Variants in ATRNL1 observed in about 807,000 individuals in gnomAD.
ATRNL1 encodes attractin like 1.
ATRNL1 carries 95 observed loss-of-function variants against 182.7 expected under a neutral mutation model. That is an observed-to-expected ratio of 0.52 (90% CI 0.44 to 0.62). The LOEUF (loss-of-function observed/expected upper bound fraction) is 0.62. Ranked by LOEUF, ATRNL1 falls within the 20% of genes least tolerant of loss-of-function variation. The pLI, the probability that ATRNL1 is intolerant of heterozygous loss-of-function variation, is 0.00. For missense variants in ATRNL1, 1,471 were observed against 1,679.5 expected (o/e 0.88, Z 2.17); for synonymous variants, 576 against 568.3 (o/e 1.01, Z -0.19).
intron 28 of ATRNL1, among the ~76,000 whole-genome samples, chr10:115,858,154 C>T (rs2134384208): frequency 6.6e-6 from 1 of 152,288 alleles, no homozygotes; most frequent in African/African-American, 2.4e-5. Flanking sequence ...AGATTTAGAA[C>T]TGGAAATACC....
rs56720506 is a variant in ATRNL1 at position 115,275,463 on chromosome 10, G to A, written c.2101-5892G>A. 7.2e-3 allele frequency among the ~76,000 whole-genome samples: 1,092 copies of A among 152,238 alleles called. 15 individuals carry two copies. The highest frequency in any genetic ancestry group is 0.025 in the African/African-American group (1,045 of 41,530). The stretch of plus-strand genomic sequence containing the variant: ...ATTTTACTCCTAGGAGCAACTTCAT[G>A]CTCAACTCACCAATGCCATAGATGT... On this transcript the variant is annotated intron_variant, in intron 13 of 28. Coordinates refer to ENST00000355044, the MANE Select transcript of ATRNL1 (RefSeq NM_207303.4).
intron 28 of ATRNL1, among the ~76,000 whole-genome samples, chr10:115,908,983 C>G (rs925100699): frequency 2.6e-5 from 4 of 152,140 alleles, no homozygotes; most frequent in African/African-American, 9.7e-5. Flanking sequence ...TGCCTGCACA[C>G]CCCCATCATT....
intron 27 of ATRNL1, among the ~76,000 whole-genome samples, chr10:115,765,190 G>A (rs1354404191): frequency 6.6e-6 from 1 of 152,130 alleles, no homozygotes. Context: ...GTAGGTATCA[G>A]GGAGCACAAT....
At chr10:115,542,502 A>T (rs1034753241) in intron 25 of ATRNL1, among the ~76,000 whole-genome samples, 1 of 152,102 alleles carries the variant, frequency 6.6e-6, no homozygotes, top group Non-Finnish European at 1.5e-5. Context: ...GGCATGTATA[A>T]TAGTGTATTA....
At chr10:115,791,958 C>A (rs1182908261) in intron 27 of ATRNL1, among the ~76,000 whole-genome samples, 4 of 152,122 alleles carry the variant, frequency 2.6e-5, no homozygotes, top group African/African-American at 9.6e-5. Flanking sequence ...AAACCTCATG[C>A]TTATCTGGAC....
chr10:115,909,646 G>C (rs917706587), intron 28 of ATRNL1: 4 of 115,528 alleles, frequency 3.5e-5, no homozygotes, highest in Admixed American at 8.6e-5. Context: ...AAAAAAAAAA[G>C]ACGAAGTGAG....
At chr10:115,538,457 AT>A (rs1371748688) in intron 25 of ATRNL1, among the ~76,000 whole-genome samples, 33 of 125,004 alleles carry the variant, frequency 2.6e-4, no homozygotes, top group African/African-American at 9.1e-4. Flanking sequence ...ATGACGTTGA[AT>A]ATCTTTTCAT....
intron 27 of ATRNL1, among the ~76,000 whole-genome samples, chr10:115,752,363 T>G (rs2134123445): frequency 6.6e-6 from 1 of 152,150 alleles, no homozygotes; most frequent in African/African-American, 2.4e-5. Context: ...TAGTTATATA[T>G]TCAACAAATA....
At chr10:115,714,523 C>G (rs1269725059) in intron 26 of ATRNL1, among the ~76,000 whole-genome samples, 1 of 152,086 alleles carries the variant, frequency 6.6e-6, no homozygotes, top group Admixed American at 6.5e-5. Flanking sequence ...GCCAGGCGGC[C>G]CATTTTACTT....
intron 26 of ATRNL1, among the ~76,000 whole-genome samples, chr10:115,657,646 C>A (rs57581235): frequency 8.2e-4 from 125 of 152,252 alleles, no homozygotes; most frequent in African/African-American, 2.9e-3. Context: ...ATTGCAGGAT[C>A]TTTAGAATTC....
At chr10:115,713,475 G>GTA (rs879998559) in intron 26 of ATRNL1, among the ~76,000 whole-genome samples, 4,059 of 151,152 alleles carry the variant, frequency 0.027, 153 homozygotes, top group African/African-American at 0.088. Flanking sequence ...GTTTGTGTGT[G>GTA]TGTCTGTGTG....
intron 25 of ATRNL1, among the ~76,000 whole-genome samples, chr10:115,539,093 T>C (rs1176036351): frequency 1.3e-5 from 2 of 152,252 alleles, no homozygotes; most frequent in Non-Finnish European, 2.9e-5. Context: ...ATTTGTCTAA[T>C]GATGCATTTC....
At chr10:115,859,253 T>A (rs575715888) in intron 28 of ATRNL1, among the ~76,000 whole-genome samples, 1 of 152,130 alleles carries the variant, frequency 6.6e-6, no homozygotes, top group East Asian at 1.9e-4. Context: ...AGGCTTCTTC[T>A]GTAGTTAAAA....
chr10:115,382,155 T>C (rs1020939924), intron 19 of ATRNL1, among the ~76,000 whole-genome samples: 1 of 152,218 alleles, frequency 6.6e-6, no homozygotes, highest in African/African-American at 2.4e-5. Context: ...ATTCTTCTTT[T>C]AAAAATGTTT....
intron 26 of ATRNL1, among the ~76,000 whole-genome samples, chr10:115,692,345 G>T (rs1946420800): frequency 6.6e-6 from 1 of 152,080 alleles, no homozygotes; most frequent in African/African-American, 2.4e-5. Flanking sequence ...CAGGAATAAT[G>T]ATTAGCAAAC....
chr10:115,811,793 C>T (rs1482455576), intron 27 of ATRNL1, among the ~76,000 whole-genome samples: 1 of 151,852 alleles, frequency 6.6e-6, no homozygotes, highest in Non-Finnish European at 1.5e-5. Flanking sequence ...TTAATATAGC[C>T]ACTCCAGCTT....
chr10:115,896,016 G>T (rs897638842), intron 28 of ATRNL1, among the ~76,000 whole-genome samples: 7 of 152,162 alleles, frequency 4.6e-5, no homozygotes, highest in African/African-American at 1.7e-4. Flanking sequence ...AAGGAGAGAA[G>T]GGGATGTGTA....
At chr10:115,209,206 AAG>A (rs1259661520) in intron 8 of ATRNL1, among the ~76,000 whole-genome samples, 17 of 151,678 alleles carry the variant, frequency 1.1e-4, no homozygotes, top group Non-Finnish European at 2.1e-4. Context: ...TCTTTAAAGA[AAG>A]AGAAATATTT....
At chr10:115,683,063 C>T (rs1178746864) in intron 26 of ATRNL1, among the ~76,000 whole-genome samples, 1 of 151,796 alleles carries the variant, frequency 6.6e-6, no homozygotes, top group African/African-American at 2.4e-5. Context: ...TACATATTAG[C>T]ATTACTAAAG....
Sources: gnomAD v4.1 joint callset for allele counts (sites outside exome capture counted in the v4.1 genomes callset) on GRCh38, gnomAD v4.1.1 for gene constraint, MANE v1.5 for transcripts, NCBI Gene and HGNC (gene_info 2026-07-23, HGNC 2026-07-21) for gene names.